The following TTC21B variants were observed in gnomAD, a reference collection of about 807,000 sequenced individuals.
The protein encoded by TTC21B is tetratricopeptide repeat domain 21B.
TTC21B carries 127 observed loss-of-function variants against 175.1 expected under a neutral mutation model. That is an observed-to-expected ratio of 0.73 (90% CI 0.63 to 0.84). The LOEUF (loss-of-function observed/expected upper bound fraction) is 0.84, where lower values mean the gene tolerates loss of function less well. Ranked by LOEUF, TTC21B falls within the 40% of genes least tolerant of loss-of-function variation. TTC21B has a pLI of 0.00. For missense variants in TTC21B, 1,561 were observed against 1,558.3 expected, an observed-to-expected ratio of 1.00 and a Z score of -0.03; for synonymous variants, 524 against 524.5, an observed-to-expected ratio of 1.00 and a Z score of 0.01.
In TTC21B at chr2:165,929,736, A is replaced by G. The variant is rs1686815759; in HGVS notation, c.1099T>C (p.Cys367Arg). Residue 367 changes from cysteine to arginine, a missense_variant, in exon 10 of 29, where the codon TGT becomes CGT. Coordinates refer to ENST00000243344, the MANE Select transcript of TTC21B (RefSeq NM_024753.5). ...SVSALVGFIQ[C>R]QLIEGQLQDA... ...TGTAATTGCCCTTCTATCAACTGAC[A>G]TTGGATAAATCCTAAAATCAAACAG... 6.2e-7 allele frequency: 1 copy of G among 1,610,788 alleles called. No individual in the cohort carries two copies. The highest frequency in any genetic ancestry group is 8.5e-7 in the Non-Finnish European group (1 of 1,177,872).
chr2:165,877,659 T>C (rs762843690), intron 27 of TTC21B, among the ~76,000 whole-genome samples: 1 of 152,174 alleles, frequency 6.6e-6, no homozygotes, highest in Non-Finnish European at 1.5e-5. Context: ...AAGATTTCCA[T>C]TGTTAAGCGA....
At chr2:165,913,475 T>C in intron 16 of TTC21B, 99 bp downstream of exon 16, 1 of 790,352 alleles carries the variant, frequency 1.3e-6, no homozygotes, top group Non-Finnish European at 2.1e-6. Flanking sequence ...GATCTTCAAA[T>C]ATTAAACATT....
chr2:165,933,039 G>A lies in TTC21B; in HGVS notation c.729C>T (p.Ser243=), dbSNP rs746084350. 7 of 1,612,474 alleles carry A rather than the reference G, an allele frequency of 4.3e-6. No individual in the cohort carries two copies. In the Admixed American group the frequency reaches 5.0e-5, roughly 12 times the overall value. The change falls in exon 7 of 29, where the codon AGC becomes AGT. Residue 243 remains serine (S), a synonymous_variant. Coordinates refer to ENST00000243344, the MANE Select transcript of TTC21B (RefSeq NM_024753.5). ...GCATTCTCAGTGCTTCCACATTTTG[G>A]CTATCTTGGAGCAGCAACCTGCAGG... ...ETAQRLLLQD[S]QNVEALRMQA...
chr2:165,912,439 C>T (rs1229758505), intron 17 of TTC21B, 75 bp downstream of exon 17: 12 of 1,139,014 alleles, frequency 1.1e-5, no homozygotes, highest in Non-Finnish European at 1.3e-6. Flanking sequence ...GCAAATGGTG[C>T]TCGCTGAAGC....
At chr2:165,932,917 G>C (rs1464242988) in intron 7 of TTC21B, 56 bp downstream of exon 7, 1 of 1,437,612 alleles carries the variant, frequency 7.0e-7, no homozygotes, top group Non-Finnish European at 9.7e-7. Flanking sequence ...GGGTGTGTAT[G>C]TGTAATGAAA....
intron 3 of TTC21B, chr2:165,949,139 C>T (rs1192115441): frequency 2.1e-6 from 1 of 471,084 alleles, no homozygotes; most frequent in Non-Finnish European, 3.8e-6. Context: ...ATATACATTC[C>T]CTTTTATCTA....
intron 26 of TTC21B, among the ~76,000 whole-genome samples, chr2:165,881,133 C>T (rs1473782356): frequency 1.3e-5 from 2 of 152,102 alleles, no homozygotes; most frequent in Admixed American, 6.6e-5. Context: ...CTCCATGAAC[C>T]CTTATCTTCA....
At chr2:165,936,063 C>G (rs765989543) in intron 6 of TTC21B, among the ~76,000 whole-genome samples, 2 of 151,728 alleles carry the variant, frequency 1.3e-5, no homozygotes, top group Non-Finnish European at 2.9e-5. Context: ...GACCTCAAGA[C>G]TTACTATAAA....
At chr2:165,914,698 T>TGTGTGTGTGTGTGTGTGTGTGTGG (rs71031214) in intron 15 of TTC21B, among the ~76,000 whole-genome samples, 2 of 132,376 alleles carry the variant, frequency 1.5e-5, no homozygotes, top group African/African-American at 3.1e-5. Context: ...TGTGTGTGTG[T>TGTGTGTGTGTGTGTGTGTGTGTGG]TGTGTATCCC....
intron 6 of TTC21B, among the ~76,000 whole-genome samples, chr2:165,938,651 C>A (rs960799671): frequency 6.6e-6 from 1 of 151,714 alleles, no homozygotes; most frequent in African/African-American, 2.4e-5. Flanking sequence ...GGACAAAACA[C>A]TGGTTTCTTC....
At chr2:165,949,792 T>C in intron 1 of TTC21B, 68 bp from the exon 2 acceptor site, 3 of 1,467,432 alleles carry the variant, frequency 2.0e-6, no homozygotes, top group Admixed American at 1.7e-5. Flanking sequence ...AAGAAGCAGA[T>C]AATAATCTAA....
chr2:165,882,946 C>T (rs895045826), intron 26 of TTC21B, among the ~76,000 whole-genome samples: 1 of 152,044 alleles, frequency 6.6e-6, no homozygotes, highest in African/African-American at 2.4e-5. Context: ...TGTAGCTAAT[C>T]GTCTAGAATA....
chr2:165,946,169 CAAAA>C (rs3032577), intron 3 of TTC21B, among the ~76,000 whole-genome samples: 8 of 116,564 alleles, frequency 6.9e-5, no homozygotes, highest in Admixed American at 1.7e-4. Flanking sequence ...ACTAAAGATA[CAAAA>C]AAAAAAAAAA....
chr2:165,906,404 G>A (rs11679517), intron 19 of TTC21B, among the ~76,000 whole-genome samples: 44,512 of 151,552 alleles, frequency 0.29, 7,468 homozygotes, highest in Non-Finnish European at 0.39. Flanking sequence ...TAGCATAACT[G>A]ATTATTAAAG....
At chr2:165,925,761 A>G (rs1308710068) in intron 11 of TTC21B, among the ~76,000 whole-genome samples, 1 of 152,174 alleles carries the variant, frequency 6.6e-6, no homozygotes. Flanking sequence ...TCCTTCTTTT[A>G]TAGGCCTACG....
Position 165,890,661 on chromosome 2 carries a change from ATTAT to A in TTC21B, c.3102-25_3102-22del, listed in dbSNP as rs373534859. The A allele has an allele frequency of 2.2e-4, 362 of 1,610,996 alleles. 2 individuals carry two copies. In the African/African-American group the frequency reaches 4.4e-3, roughly 20 times the overall value. On this transcript the variant is annotated intron_variant, in intron 23 of 28. Transcript: ENST00000243344. ...TGTACCTTGTTAGATGTTTAAAAGA[ATTAT>A]TTATTTCAATCACTGACTACAAAAT...
At chr2:165,935,117 C>T (rs146194032) in intron 6 of TTC21B, among the ~76,000 whole-genome samples, 165 of 152,268 alleles carry the variant, frequency 1.1e-3, no homozygotes, top group African/African-American at 3.3e-3. Context: ...GATGGCAGGA[C>T]TGCAAGATGG....
At chr2:165,918,600 C>CA (rs969719971) in intron 13 of TTC21B, among the ~76,000 whole-genome samples, 2 of 152,036 alleles carry the variant, frequency 1.3e-5, no homozygotes, top group African/African-American at 4.8e-5. Flanking sequence ...CGGCCTTCTG[C>CA]AAATCTTAAT....
chr2:165,918,476 T>C (rs1038563153), intron 13 of TTC21B, among the ~76,000 whole-genome samples: 1 of 152,090 alleles, frequency 6.6e-6, no homozygotes, highest in Non-Finnish European at 1.5e-5. Context: ...TTTGTATTTT[T>C]AGTAGCGACG....
Sources: allele counts gnomAD v4.1 joint callset (sites outside exome capture counted in the v4.1 genomes callset), GRCh38; gene constraint gnomAD v4.1.1; transcripts MANE v1.5; gene names NCBI Gene and HGNC (gene_info 2026-07-23, HGNC 2026-07-21).